NAV2: variants seen among roughly 807,000 people sequenced by gnomAD.
NAV2 encodes the protein neuron navigator 2.
Under a neutral mutation model 223.2 loss-of-function variants are expected in NAV2, and 54 were observed. That is an observed-to-expected ratio of 0.24 (90% CI 0.19 to 0.30). The LOEUF (loss-of-function observed/expected upper bound fraction) is 0.30. Ranked by LOEUF, NAV2 falls within the 10% of genes least tolerant of loss-of-function variation. The pLI is 1.00. For synonymous variants in NAV2, 1,279 were observed against 1,239.3 expected, an observed-to-expected ratio of 1.03 and a Z score of -0.67; for missense variants, 2,806 against 3,147.5, an observed-to-expected ratio of 0.89 and a Z score of 2.60.
At chr11:19,688,103 T>C (rs904101415) in intron 1 of NAV2, among the ~76,000 whole-genome samples, 1 of 152,064 alleles carries the variant, frequency 6.6e-6, no homozygotes, top group Non-Finnish European at 1.5e-5. Flanking sequence ...ACACCCCCAA[T>C]TTGGGGAAGG....
intron 1 of NAV2, among the ~76,000 whole-genome samples, chr11:19,528,185 G>A (rs1357477040): frequency 6.6e-6 from 1 of 152,128 alleles, no homozygotes; most frequent in African/African-American, 2.4e-5. Context: ...ATCTGGGAGG[G>A]GACCATGGAG....
At position 19,948,765 on chromosome 11, in the gene NAV2, G is replaced by A; in HGVS notation, c.2330G>A (p.Arg777Lys). Residue 777 changes from arginine to lysine, a missense_variant, in exon 10 of 38, where the codon AGG becomes AAG. Arg to Lys is a conservative substitution (Grantham distance 26). Around this residue, in one of 4 missense-constraint regions of NAV2, gnomAD observed 1,167 missense variants for 1,180.5 expected, o/e 0.99. Transcript: ENST00000349880. ...CGTAGCATACTCAGCTTGACAGGGA[G>A]GCCCACACCTCTGTCCTGGAGACTG... ...SGRSILSLTG[R>K]PTPLSWRLGQ... The A allele has an allele frequency of 1.2e-6, 2 of 1,612,942 alleles. No homozygotes were observed. Among genetic ancestry groups the A allele is most frequent in the Non-Finnish European group, 1.7e-6 (2 of 1,179,220 alleles).
intron 17 of NAV2, among the ~76,000 whole-genome samples, chr11:20,052,618 T>G (rs781169368): frequency 6.6e-6 from 1 of 152,248 alleles, no homozygotes; most frequent in African/African-American, 2.4e-5. Context: ...ATCAAAATTA[T>G]GTAGCTCTGG....
intron 6 of NAV2, among the ~76,000 whole-genome samples, chr11:19,911,878 T>C (rs1421741109): frequency 6.6e-6 from 1 of 152,204 alleles, no homozygotes; most frequent in African/African-American, 2.4e-5. Flanking sequence ...TGGGGAAACC[T>C]GAGAGAGCTC....
Position 19,676,710 on chromosome 11 carries a change from T to G in NAV2, c.76-155774T>G, listed in dbSNP as rs931625746. ...AGTGTGCTGGTGGTGTCATTGCTGTTGGCACTTTGGCTCTCAGAGAACCAG... is the reference window on the plus strand; with the variant it reads ...AGTGTGCTGGTGGTGTCATTGCTGTGGGCACTTTGGCTCTCAGAGAACCAG... On this transcript the variant is annotated intron_variant, in intron 1 of 37. Coordinates refer to the NAV2 transcript ENST00000360655. Among the ~76,000 whole-genome samples the G allele has an allele frequency of 2.6e-5, 4 of 152,178 alleles. No individual in the cohort carries two copies. In the East Asian group the frequency reaches 7.7e-4, roughly 29 times the overall value.
At chr11:19,808,891 C>G (rs901809226) in intron 1 of NAV2, among the ~76,000 whole-genome samples, 3 of 152,204 alleles carry the variant, frequency 2.0e-5, no homozygotes, top group African/African-American at 7.2e-5. Flanking sequence ...TTATTAATTA[C>G]AATGTCTTAC....
chr11:19,394,084 C>T lies in NAV2; in HGVS notation c.75+43057C>T, dbSNP rs1045358028. Among the ~76,000 whole-genome samples the T allele has an allele frequency of 3.9e-5, 6 of 152,200 alleles. No individual in the cohort carries two copies. The East Asian group carries it at 9.7e-4, about 25-fold the overall frequency. The stretch of plus-strand genomic sequence containing the variant: ...TGAAGTGAGAAGTCAAAGGAAACAT[C>T]ATAGGTCTCTTCTGGAAGCTAAACT... On this transcript the variant is annotated intron_variant, in intron 1 of 37. Transcript: ENST00000360655.
chr11:19,345,869 G>T (rs1211933776), upstream of NAV2, among the ~76,000 whole-genome samples: 1 of 152,136 alleles, frequency 6.6e-6, no homozygotes, highest in Non-Finnish European at 1.5e-5. This position sits in a 1 kb window ranked among gnomAD's most constrained non-coding sequence, Gnocchi z 5.2. Flanking sequence ...TGTCTCTGTG[G>T]GTTCCCCTCT....
At chr11:19,895,891 G>A (rs1489013577) in intron 6 of NAV2, among the ~76,000 whole-genome samples, 1 of 151,868 alleles carries the variant, frequency 6.6e-6, no homozygotes, top group African/African-American at 2.4e-5. Flanking sequence ...ATAACCACCC[G>A]GGTAAGACAC....
At chr11:20,015,706 C>T (rs2053946147) in intron 11 of NAV2, among the ~76,000 whole-genome samples, 1 of 152,134 alleles carries the variant, frequency 6.6e-6, no homozygotes, top group Non-Finnish European at 1.5e-5. Context: ...ATGCCTGGCA[C>T]ACAAAAGTCA....
intron 3 of NAV2, among the ~76,000 whole-genome samples, chr11:19,848,302 A>C (rs910557536): frequency 6.6e-6 from 1 of 152,200 alleles, no homozygotes; most frequent in Non-Finnish European, 1.5e-5. Context: ...AAAAGCTGCT[A>C]TAAGTAGGGG....
At chr11:19,374,344 A>G (rs1382584650) in intron 1 of NAV2, among the ~76,000 whole-genome samples, 1 of 129,800 alleles carries the variant, frequency 7.7e-6, no homozygotes, top group Non-Finnish European at 1.6e-5. Flanking sequence ...AAAATCAGCT[A>G]TTAAATGACT....
chr11:20,036,603 C>T (rs983342558), intron 12 of NAV2, among the ~76,000 whole-genome samples: 3 of 152,160 alleles, frequency 2.0e-5, no homozygotes, highest in Non-Finnish European at 2.9e-5. Flanking sequence ...CCCCTGCTGA[C>T]GTGTTTTATT....
intron 1 of NAV2, among the ~76,000 whole-genome samples, chr11:19,430,192 G>A (rs1850989557): frequency 6.6e-6 from 1 of 152,198 alleles, no homozygotes; most frequent in South Asian, 2.1e-4. Context: ...GGGAAGGAAG[G>A]AATGGGGCAG....
intron 1 of NAV2, among the ~76,000 whole-genome samples, chr11:19,739,477 G>T (rs1178471372): frequency 6.6e-6 from 1 of 152,164 alleles, no homozygotes; most frequent in African/African-American, 2.4e-5. Context: ...CAGAGGTCAC[G>T]CTGGGGACCC....
intron 11 of NAV2, among the ~76,000 whole-genome samples, chr11:19,994,812 C>T (rs1014669708): frequency 3.9e-5 from 6 of 152,162 alleles, no homozygotes; most frequent in Non-Finnish European, 7.3e-5. Flanking sequence ...CTCTCCTCAG[C>T]CAGTTCACAC....
At chr11:19,764,194 C>T (rs143704887) in intron 1 of NAV2, among the ~76,000 whole-genome samples, 35 of 152,270 alleles carry the variant, frequency 2.3e-4, no homozygotes, top group African/African-American at 8.2e-4. Context: ...AGTGGCCAGC[C>T]ACTCTCAGCC....
chr11:19,548,724 A>G (rs1231421792), intron 1 of NAV2, among the ~76,000 whole-genome samples: 1 of 151,652 alleles, frequency 6.6e-6, no homozygotes, highest in Non-Finnish European at 1.5e-5. Flanking sequence ...AAAAAAAAAA[A>G]AAAATTAGCC....
rs543319937 is a variant in NAV2, at chr11:19,948,138, T to C, written c.2256-553T>C. ...CTCACTCTCTGTCGGCAGGCTGGAGTGCAGTGATGCAATCTCAGCTCACTG... is the reference window on the plus strand; with the variant it reads ...CTCACTCTCTGTCGGCAGGCTGGAGCGCAGTGATGCAATCTCAGCTCACTG... On this transcript the variant is annotated intron_variant, in intron 9 of 37. Transcript: ENST00000349880. Among the ~76,000 whole-genome samples, 19 of 151,978 alleles carry C rather than the reference T, an allele frequency of 1.3e-4. No individual in the cohort carries two copies. The South Asian group carries it at 3.9e-3, about 32-fold the overall frequency.
Sources: gnomAD v4.1 joint callset for allele counts (sites outside exome capture counted in the v4.1 genomes callset) on GRCh38, gnomAD v4.1.1 for gene constraint, gnomAD v4.1.1 regional missense constraint, Gnocchi (gnomAD v3.1) non-coding constraint, MANE v1.5 for transcripts, NCBI Gene and HGNC (gene_info 2026-07-23, HGNC 2026-07-21) for gene names.